Variants in CLMP observed in about 807,000 individuals in gnomAD.
CLMP encodes CXADR-like membrane protein.
CLMP carries 27 observed loss-of-function variants against 45.2 expected under a neutral mutation model. The ratio of observed to expected loss-of-function variants is 0.60; its 90% CI spans 0.44 to 0.82. CLMP has a LOEUF of 0.82. CLMP is among the 40% of genes least tolerant of loss of function. The pLI, the probability that CLMP is intolerant of heterozygous loss-of-function variation, is 0.00. For missense variants in CLMP, 403 were observed against 448.4 expected, an observed-to-expected ratio of 0.90 and a Z score of 0.91; for synonymous variants, 167 against 171.4, an observed-to-expected ratio of 0.97 and a Z score of 0.20.
chr11:123,076,632 C>G (rs1485245396), intron 5 of CLMP, among the ~76,000 whole-genome samples: 1 of 151,914 alleles, frequency 6.6e-6, no homozygotes, highest in Non-Finnish European at 1.5e-5. Context: ...CAGAAAACAG[C>G]AAGTACAATT....
chr11:123,125,545 C>T (rs573502070), intron 1 of CLMP, among the ~76,000 whole-genome samples: 13 of 81,188 alleles, frequency 1.6e-4, no homozygotes, highest in East Asian at 1.5e-3. Context: ...CCCCTTCCCT[C>T]CCCTCCCCTC....
intron 1 of CLMP, among the ~76,000 whole-genome samples, chr11:123,119,452 T>C (rs1227429193): frequency 6.6e-6 from 1 of 152,158 alleles, no homozygotes; most frequent in African/African-American, 2.4e-5. Flanking sequence ...CCTGGTGTGC[T>C]TACAGGGGTA....
intron 1 of CLMP, among the ~76,000 whole-genome samples, chr11:123,125,533 C>CT (rs1479630403): frequency 0.068 from 6,314 of 92,696 alleles, 306 homozygotes; most frequent in Non-Finnish European, 0.099. Context: ...CTTCCCTTCC[C>CT]TCCCCTTCCC....
chr11:123,183,194 G>A (rs1221871177), intron 1 of CLMP, among the ~76,000 whole-genome samples: 1 of 152,090 alleles, frequency 6.6e-6, no homozygotes, highest in Non-Finnish European at 1.5e-5. Context: ...CAAGCTCCCT[G>A]GTGAAACCAC....
rs577171583 is a variant in CLMP, at chr11:123,092,423, G to A, written c.186+5372C>T. 1.2e-4 allele frequency among the ~76,000 whole-genome samples: 18 copies of A among 151,292 alleles called. No homozygotes were observed. The East Asian group carries it at 2.3e-3, about 20-fold the overall frequency. On this transcript the variant is annotated intron_variant, in intron 2 of 6. Transcript: ENST00000448775. ...AGCGATTCTTCTGCCTCAGCCTCTC[G>A]AGTAGCTGGGACTACAGGCACACAC...
intron 1 of CLMP, among the ~76,000 whole-genome samples, 168 bp from the exon 2 acceptor site, chr11:123,098,120 C>T (rs1210240676): frequency 6.6e-6 from 1 of 152,168 alleles, no homozygotes; most frequent in Non-Finnish European, 1.5e-5. Flanking sequence ...ACACTGGCTC[C>T]TCCGTTAACT....
intron 1 of CLMP, among the ~76,000 whole-genome samples, chr11:123,122,257 C>A (rs1860829824): frequency 6.6e-6 from 1 of 151,976 alleles, no homozygotes; most frequent in Admixed American, 6.6e-5. Flanking sequence ...TTCAAGAGAC[C>A]CTCTCAAGCT....
rs563911029 is a variant in CLMP, at chr11:123,145,295, C to A, written c.29-47343G>T. 3.9e-5 allele frequency among the ~76,000 whole-genome samples: 6 copies of A among 152,154 alleles called. No individual in the cohort carries two copies. The South Asian group carries it at 1.2e-3, about 32-fold the overall frequency. On this transcript the variant is annotated intron_variant, in intron 1 of 6. Transcript: ENST00000448775. Reference sequence around the variant, plus strand: ...TAAAGGGTTAACTTTGTGCTCTCGTCTGTTTTCGTGCCAACCTCTGTGACT... The same window carrying A: ...TAAAGGGTTAACTTTGTGCTCTCGTATGTTTTCGTGCCAACCTCTGTGACT...
At chr11:123,154,867 T>C (rs74989794) in intron 1 of CLMP, among the ~76,000 whole-genome samples, 2,978 of 152,344 alleles carry the variant, frequency 0.02, 78 homozygotes, top group African/African-American at 0.066. Context: ...ATGAAATATG[T>C]AGTTACTGTA....
Position 123,176,539 on chromosome 11 carries a change from C to A in CLMP, c.28+18374G>T, listed in dbSNP as rs889275796. Among the ~76,000 whole-genome samples the A allele has an allele frequency of 2.4e-4, 37 of 152,256 alleles. 1 individual carries two copies. The highest frequency in any genetic ancestry group is 2.3e-3 in the Admixed American group (35 of 15,278). On this transcript the variant is annotated intron_variant, in intron 1 of 6. Transcript: ENST00000448775. ...AAGGTTGAGACTGAGCCAGTGGGACCCTAGTTGCTGAGATTCCACCCCCAT... is the reference window on the plus strand; with the variant it reads ...AAGGTTGAGACTGAGCCAGTGGGACACTAGTTGCTGAGATTCCACCCCCAT...
intron 2 of CLMP, among the ~76,000 whole-genome samples, chr11:123,086,336 G>C (rs1304944111): frequency 6.6e-6 from 1 of 152,194 alleles, no homozygotes; most frequent in Non-Finnish European, 1.5e-5. Flanking sequence ...CAAGTTGGTG[G>C]CATTTGAGCT....
At chr11:123,153,846 C>CT (rs60591379) in intron 1 of CLMP, among the ~76,000 whole-genome samples, 19,331 of 123,748 alleles carry the variant, frequency 0.16, 1,618 homozygotes, top group African/African-American at 0.2. Flanking sequence ...CCATGCCTCA[C>CT]TTTTTTTTTT....
At chr11:123,092,970 T>G (rs912164893) in intron 2 of CLMP, among the ~76,000 whole-genome samples, 2 of 148,788 alleles carry the variant, frequency 1.3e-5, no homozygotes, top group East Asian at 4.0e-4. Flanking sequence ...TGCAGCGGTA[T>G]GATCTCTGCT....
intron 3 of CLMP, 152 bp downstream of exon 3, chr11:123,084,360 C>G: frequency 1.6e-6 from 1 of 631,102 alleles, no homozygotes; most frequent in Non-Finnish European, 2.8e-6. Context: ...AGAAGATACA[C>G]ATTTCTTTCC....
At chr11:123,082,829 A>G (rs1461565829) in intron 5 of CLMP, among the ~76,000 whole-genome samples, 2 of 149,512 alleles carry the variant, frequency 1.3e-5, no homozygotes, top group Non-Finnish European at 3.0e-5. Flanking sequence ...CTGGTCTCAA[A>G]CTCCTGACCT....
At chr11:123,173,502 C>T (rs1231960353) in intron 1 of CLMP, among the ~76,000 whole-genome samples, 2 of 152,162 alleles carry the variant, frequency 1.3e-5, no homozygotes, top group Non-Finnish European at 2.9e-5. Context: ...CTGCATAGTG[C>T]CTGGCTCATT....
intron 1 of CLMP, chr11:123,136,026 G>C (rs768662564): frequency 1.0e-5 from 6 of 582,792 alleles, no homozygotes; most frequent in Non-Finnish European, 2.0e-5. Flanking sequence ...GATTTCCGGT[G>C]CTGCTTTGTT....
intron 1 of CLMP, among the ~76,000 whole-genome samples, chr11:123,162,742 T>A (rs1266058048): frequency 1.4e-5 from 2 of 147,150 alleles, no homozygotes; most frequent in Non-Finnish European, 3.0e-5. Context: ...AAAAAAAAAA[T>A]ACAAAAAAAA....
chr11:123,101,773 A>G lies in CLMP; in HGVS notation c.29-3821T>C, dbSNP rs1866064083. On this transcript the variant is annotated intron_variant, in intron 1 of 6. Coordinates refer to ENST00000448775, the MANE Select transcript of CLMP (RefSeq NM_024769.5). ...GTTTAAATGATAACAGGCCTTGCCCAAAACTCAACCGCTTTTGCAAAGCTA... is the reference window on the plus strand; with the variant it reads ...GTTTAAATGATAACAGGCCTTGCCCGAAACTCAACCGCTTTTGCAAAGCTA... 3.3e-5 allele frequency among the ~76,000 whole-genome samples: 5 copies of G among 152,390 alleles called. No homozygotes were observed. The South Asian group carries it at 1.0e-3, about 32-fold the overall frequency.
Sources: gnomAD v4.1 joint callset for allele counts (sites outside exome capture counted in the v4.1 genomes callset) on GRCh38, gnomAD v4.1.1 for gene constraint, MANE v1.5 for transcripts, NCBI Gene and HGNC (gene_info 2026-07-23, HGNC 2026-07-21) for gene names.